The following TRAPPC9 variants were observed in gnomAD, a reference collection of about 807,000 sequenced individuals.
The protein encoded by TRAPPC9 is trafficking protein particle complex subunit 9, also known as IKK2 binding protein.
In TRAPPC9, 83 loss-of-function variants were observed where a neutral mutation model predicts 124.0. The ratio of observed to expected loss-of-function variants is 0.67; its 90% CI spans 0.56 to 0.80. The LOEUF (loss-of-function observed/expected upper bound fraction) is 0.80. Ranked by LOEUF, TRAPPC9 falls within the 30% of genes least tolerant of loss-of-function variation. TRAPPC9 has a pLI of 0.00. For missense variants in TRAPPC9, 1,302 were observed against 1,508.3 expected, an observed-to-expected ratio of 0.86 and a Z score of 2.27; for synonymous variants, 638 against 617.5, an observed-to-expected ratio of 1.03 and a Z score of -0.49.
At chr8:140,033,223 G>A (rs971654013) in intron 17 of TRAPPC9, among the ~76,000 whole-genome samples, 1 of 152,102 alleles carries the variant, frequency 6.6e-6, no homozygotes, top group Non-Finnish European at 1.5e-5. Context: ...GCACTGGCCA[G>A]GACTAGTAAA....
At chr8:140,219,374 G>T (rs964821026) in intron 17 of TRAPPC9, among the ~76,000 whole-genome samples, 3 of 152,154 alleles carry the variant, frequency 2.0e-5, no homozygotes, top group Non-Finnish European at 4.4e-5. Context: ...GTTACAAAAC[G>T]TTACGTTTTC....
intron 9 of TRAPPC9, among the ~76,000 whole-genome samples, chr8:140,332,662 T>G (rs2066924765): frequency 6.6e-6 from 1 of 151,940 alleles, no homozygotes; most frequent in Non-Finnish European, 1.5e-5. Context: ...GATAATAAAT[T>G]ATTAGAATCT....
Position 139,746,783 on chromosome 8 carries a change from G to A in TRAPPC9, c.3056-14581C>T, listed in dbSNP as rs530687331. Among the ~76,000 whole-genome samples, 21 of 152,338 alleles carry A rather than the reference G, an allele frequency of 1.4e-4. No homozygotes were observed. In the South Asian group the frequency reaches 2.5e-3, roughly 18 times the overall value. ...CCCTCCCTTTCAGGAGGAAGCACCA[G>A]GGCCCCCATGCGCTGCTGTGCCCAC... is the stretch of plus-strand genomic sequence containing the variant. On this transcript the variant is annotated intron_variant, in intron 21 of 22. Coordinates refer to ENST00000438773, the MANE Select transcript of TRAPPC9 (RefSeq NM_001160372.4).
chr8:140,170,798 C>T (rs781333848), intron 17 of TRAPPC9, among the ~76,000 whole-genome samples: 50 of 152,336 alleles, frequency 3.3e-4, no homozygotes, highest in Middle Eastern at 3.4e-3. Flanking sequence ...CCAGCTCCAG[C>T]GCTACTCCTG....
At chr8:140,116,655 T>A (rs2060892418) in intron 17 of TRAPPC9, among the ~76,000 whole-genome samples, 1 of 152,152 alleles carries the variant, frequency 6.6e-6, no homozygotes, top group South Asian at 2.1e-4. Flanking sequence ...TTAAAGACAA[T>A]AAATGCTTGC....
chr8:139,932,307 G>A (rs962517943), intron 19 of TRAPPC9: 8 of 457,688 alleles, frequency 1.7e-5, no homozygotes, highest in African/African-American at 6.0e-5. Context: ...TCCCCACCTC[G>A]TGGATGTCAG....
chr8:139,768,813 C>T (rs1404113875), intron 21 of TRAPPC9, among the ~76,000 whole-genome samples: 2 of 152,112 alleles, frequency 1.3e-5, no homozygotes, highest in Non-Finnish European at 2.9e-5. Flanking sequence ...CCCTAAAGCC[C>T]AGTACAATAC....
chr8:139,806,753 A>T (rs929667413), intron 21 of TRAPPC9, among the ~76,000 whole-genome samples: 4 of 152,234 alleles, frequency 2.6e-5, no homozygotes, highest in African/African-American at 4.8e-5. Flanking sequence ...CTCAAGCAGC[A>T]GCTGCAGGAT....
In TRAPPC9 at chr8:140,012,126, T is replaced by C. The variant is rs898036291; in HGVS notation, c.2699+11811A>G. ...CGCCCGGCCAGGCATACATTTTGTATAACAAGTTTGAATGACTAGCTTTTA... is the reference window on the plus strand; with the variant it reads ...CGCCCGGCCAGGCATACATTTTGTACAACAAGTTTGAATGACTAGCTTTTA... On this transcript the variant is annotated intron_variant, in intron 18 of 22. Coordinates refer to ENST00000438773, the MANE Select transcript of TRAPPC9 (RefSeq NM_001160372.4). Among the ~76,000 whole-genome samples the C allele has an allele frequency of 2.0e-5, 3 of 152,198 alleles. No individual in the cohort carries two copies. In the South Asian group the frequency reaches 6.2e-4, roughly 31 times the overall value.
At chr8:140,137,104 G>T (rs958748935) in intron 17 of TRAPPC9, among the ~76,000 whole-genome samples, 1 of 152,118 alleles carries the variant, frequency 6.6e-6, no homozygotes, top group Non-Finnish European at 1.5e-5. Flanking sequence ...GAGGGGAAAG[G>T]AAGGGCCAGC....
chr8:140,372,492 C>T (rs2068311104), intron 7 of TRAPPC9, among the ~76,000 whole-genome samples: 1 of 152,214 alleles, frequency 6.6e-6, no homozygotes, highest in Admixed American at 6.5e-5. Flanking sequence ...CCTGTCCACA[C>T]ACCCCTGCCA....
intron 13 of TRAPPC9, among the ~76,000 whole-genome samples, 173 bp downstream of exon 13, chr8:140,287,435 C>T (rs1311062739): frequency 1.3e-5 from 2 of 152,144 alleles, no homozygotes; most frequent in African/African-American, 4.8e-5. Context: ...CACCACCACA[C>T]ATCCCGCACC....
chr8:140,167,601 T>C (rs2061867288), intron 17 of TRAPPC9, among the ~76,000 whole-genome samples: 2 of 152,132 alleles, frequency 1.3e-5, no homozygotes, highest in Non-Finnish European at 2.9e-5. Flanking sequence ...CCTTTAGACA[T>C]GTGGTAGTTA....
intron 21 of TRAPPC9, among the ~76,000 whole-genome samples, chr8:139,862,890 G>A (rs762311577): frequency 9.2e-5 from 14 of 152,222 alleles, no homozygotes; most frequent in African/African-American, 3.1e-4. Context: ...AGACATGTGT[G>A]CTCCGTGTGG....
intron 3 of TRAPPC9, among the ~76,000 whole-genome samples, chr8:140,437,346 T>G (rs1257450730): frequency 6.6e-6 from 1 of 151,634 alleles, no homozygotes; most frequent in Admixed American, 6.6e-5. Flanking sequence ...TATATTTGGC[T>G]GGGCACAGTG....
intron 17 of TRAPPC9, among the ~76,000 whole-genome samples, chr8:140,153,982 G>A (rs1342123927): frequency 6.6e-6 from 1 of 152,038 alleles, no homozygotes; most frequent in Non-Finnish European, 1.5e-5. Context: ...TATTTACCTG[G>A]AAACCACCCA....
intron 5 of TRAPPC9, among the ~76,000 whole-genome samples, chr8:140,411,218 T>C (rs752755515): frequency 2.0e-5 from 3 of 152,158 alleles, no homozygotes; most frequent in Non-Finnish European, 4.4e-5. Flanking sequence ...TTAGGAGCAA[T>C]GAGCATGCTT....
intron 19 of TRAPPC9, among the ~76,000 whole-genome samples, chr8:139,977,659 C>T (rs975822609): frequency 7.7e-5 from 5 of 65,208 alleles, no homozygotes; most frequent in Non-Finnish European, 1.3e-4. Flanking sequence ...AGCCTCCCTC[C>T]TCCTCATTCA....
At chr8:140,115,805 C>G (rs2060872796) in intron 17 of TRAPPC9, among the ~76,000 whole-genome samples, 1 of 152,066 alleles carries the variant, frequency 6.6e-6, no homozygotes, top group African/African-American at 2.4e-5. Context: ...GGCTACGGGT[C>G]ACTGAGGATG....
Sources: allele counts gnomAD v4.1 joint callset (sites outside exome capture counted in the v4.1 genomes callset), GRCh38; gene constraint gnomAD v4.1.1; transcripts MANE v1.5; gene names NCBI Gene and HGNC (gene_info 2026-07-23, HGNC 2026-07-21).